The following CCDC136 variants were observed in gnomAD, a reference collection of about 807,000 sequenced individuals.
The protein encoded by CCDC136 is coiled-coil domain containing 136.
Under a neutral mutation model 141.2 loss-of-function variants are expected in CCDC136, and 100 were observed. The observed-to-expected ratio is 0.71, with a 90% CI of 0.60 to 0.84. The LOEUF (loss-of-function observed/expected upper bound fraction) is 0.84. CCDC136 is among the 40% of genes least tolerant of loss of function. The probability of loss-of-function intolerance (pLI) is 0.00; values close to 1 mark genes in which losing one functional copy is unlikely to be tolerated. For synonymous variants in CCDC136, 474 were observed against 531.9 expected, an observed-to-expected ratio of 0.89 and a Z score of 1.50; for missense variants, 1,206 against 1,379.4, an observed-to-expected ratio of 0.87 and a Z score of 1.99.
intron 11 of CCDC136, 117 bp from the exon 12 acceptor site, chr7:128,810,022 G>A (rs754469346): frequency 2.2e-4 from 147 of 677,296 alleles, no homozygotes; most frequent in Non-Finnish European, 3.2e-4. Flanking sequence ...GCTCTGTGAA[G>A]TCAACCCTGA....
intron 10 of CCDC136, among the ~76,000 whole-genome samples, chr7:128,808,217 A>G (rs1190575623): frequency 6.6e-6 from 1 of 152,084 alleles, no homozygotes; most frequent in Non-Finnish European, 1.5e-5. Flanking sequence ...TTGTATTTTT[A>G]GTTGAGACCG....
chr7:128,796,739 A>ATATATATATATATATAT, intron 3 of CCDC136, among the ~76,000 whole-genome samples: 9 of 113,368 alleles, frequency 7.9e-5, no homozygotes, highest in African/African-American at 3.2e-4. Flanking sequence ...ATATATATAT[A>ATATATATATATATATAT]TTCTTTTTTT....
In CCDC136 at chr7:128,805,659, TA is replaced by T; in HGVS notation, c.949-99del. 1 of 1,553,818 alleles carries T rather than the reference TA, an allele frequency of 6.4e-7. No individual in the cohort carries two copies. The highest frequency in any genetic ancestry group is 8.8e-7 in the Non-Finnish European group (1 of 1,139,008). ...ACTCTGGGGTCTCACTTGCCTGATGTAAATCTTCCAGTCAAAGAGCGCCATG... is the reference window on the plus strand; with the variant it reads ...ACTCTGGGGTCTCACTTGCCTGATGTAATCTTCCAGTCAAAGAGCGCCATG... On this transcript the variant is annotated intron_variant, in intron 6 of 17. Transcript: ENST00000297788. The surrounding 1 kb of genome is among the most constrained non-coding windows in gnomAD (Gnocchi z 4.6).
rs1160187516 is a variant in CCDC136, at chr7:128,812,887, A to T, written c.2721A>T (p.Glu907Asp). 1 of 1,612,420 alleles carries T rather than the reference A, an allele frequency of 6.2e-7. No individual in the cohort carries two copies. The highest frequency in any genetic ancestry group is 8.5e-7 in the Non-Finnish European group (1 of 1,179,244). Residue 907 changes from glutamate to aspartate, a missense_variant, in exon 14 of 18, where the codon GAA (glutamate) becomes GAT (aspartate). Coordinates refer to ENST00000297788, the MANE Select transcript of CCDC136 (RefSeq NM_022742.5). ...AAAGGGAGTTCAAGGAGTGCATGGA[A>T]TGCCTTGAAAAGCCCATGGCCCCCC... ...ACEREFKECM[E>D]CLEKPMAPQN...
Position 128,801,485 on chromosome 7 carries a change from C to A in CCDC136, c.646C>A (p.Leu216Ile), listed in dbSNP as rs770034038. The change falls in exon 4 of 18, where the codon CTC becomes ATC. Residue 216 changes from leucine (L) to isoleucine (I), a missense_variant. Physicochemically the swap from Leu to Ile is conservative, Grantham distance 5 (BLOSUM62 2). Coordinates refer to ENST00000297788, the MANE Select transcript of CCDC136 (RefSeq NM_022742.5). ...CTCTGAACCATCCGGTAGTTTAGGTCTCTCAGATTACTCTGGGTTACAAGG... is the reference window on the plus strand; with the variant it reads ...CTCTGAACCATCCGGTAGTTTAGGTATCTCAGATTACTCTGGGTTACAAGG... ...KSSEPSGSLG[L>I]SDYSGLQEEL... The A allele has an allele frequency of 3.1e-6, 5 of 1,605,176 alleles. No homozygotes were observed. In the East Asian group the frequency reaches 6.7e-5, roughly 22 times the overall value.
At chr7:128,814,386 G>A (rs967667139) in intron 14 of CCDC136, among the ~76,000 whole-genome samples, 1 of 152,098 alleles carries the variant, frequency 6.6e-6, no homozygotes, top group Non-Finnish European at 1.5e-5. Flanking sequence ...GAGCCGCTGC[G>A]CCCTGCCGTT....
Position 128,812,147 on chromosome 7 carries a change from C to T in CCDC136, c.2376C>T (p.Ser792=). ...SSKSFLKSYD[S]STSASEAYGK... ...AGAGCTTTCTCAAGAGCTATGACAG[C>T]AGCACCAGTGCCAGTGAGGCCTATG... The change falls in exon 13 of 18, where the codon AGC becomes AGT. Residue 792 remains serine, a synonymous_variant. Transcript: ENST00000297788. The T allele has an allele frequency of 6.2e-7, 1 of 1,614,038 alleles. No homozygotes were observed.
Position 128,792,049 on chromosome 7 carries a change from G to T in CCDC136, c.-363G>T. ...TTTCAGTCTTGGCCCTCTCCTCCCT[G>T]TCCCCCCGGACTAAATACGCACACC... On this transcript the variant is annotated 5_prime_UTR_variant, in exon 1 of 18. Transcript: ENST00000297788. The T allele has an allele frequency of 1.6e-6, 2 of 1,263,900 alleles. No individual in the cohort carries two copies. Among genetic ancestry groups the T allele is most frequent in the Admixed American group, 4.0e-5 (1 of 25,180 alleles). 78.3% of individuals were successfully genotyped at this position (1,263,900 alleles called of 1,614,324 possible). A position where few individuals can be genotyped will look rare whatever the true frequency, so the allele number is the denominator to read the frequency against.
intron 3 of CCDC136, among the ~76,000 whole-genome samples, chr7:128,797,667 G>A (rs1334925487): frequency 3.3e-5 from 5 of 152,164 alleles, no homozygotes; most frequent in South Asian, 4.1e-4. Flanking sequence ...AGAGGAAATG[G>A]GAGATGAAGG....
intron 7 of CCDC136, 148 bp from the exon 8 acceptor site, chr7:128,806,089 C>A: frequency 2.2e-6 from 2 of 924,054 alleles, no homozygotes; most frequent in Non-Finnish European, 3.2e-6. Flanking sequence ...GTGGTCATTA[C>A]TGAGTGTCCA....
chr7:128,798,449 G>A (rs376077679), intron 3 of CCDC136, among the ~76,000 whole-genome samples: 3 of 151,594 alleles, frequency 2.0e-5, no homozygotes, highest in African/African-American at 7.3e-5. Context: ...ATGGGGTTTC[G>A]CCATTTTGGC....
chr7:128,794,974 C>T lies in CCDC136; in HGVS notation c.346+206C>T, dbSNP rs1478105450. On this transcript the variant is annotated intron_variant, in intron 3 of 17. Transcript: ENST00000297788. The surrounding 1 kb of genome is among the most constrained non-coding windows in gnomAD (Gnocchi z 4.3). ...CCAGTTTTCTTTCTTTGCACATCTACCTGGCTCTTCTGTCCTCCCCTTCCA... is the reference window on the plus strand; with the variant it reads ...CCAGTTTTCTTTCTTTGCACATCTATCTGGCTCTTCTGTCCTCCCCTTCCA... 6.6e-6 allele frequency among the ~76,000 whole-genome samples: 1 copy of T among 152,214 alleles called. No individual in the cohort carries two copies. Among genetic ancestry groups the T allele is most frequent in the Admixed American group, 6.5e-5 (1 of 15,278 alleles).
rs1270774432 is a variant in CCDC136, at chr7:128,794,098, C to CAGTG, written c.17-248_17-245dup. Among the ~76,000 whole-genome samples, 1 of 152,228 alleles carries CAGTG rather than the reference C, an allele frequency of 6.6e-6. No individual in the cohort carries two copies. The highest frequency in any genetic ancestry group is 1.5e-5 in the Non-Finnish European group (1 of 68,044). On this transcript the variant is annotated intron_variant, in intron 1 of 17. Coordinates refer to ENST00000297788, the MANE Select transcript of CCDC136 (RefSeq NM_022742.5). This position sits in a 1 kb window ranked among gnomAD's most constrained non-coding sequence, Gnocchi z 4.3. ...GAGCGGGCACCAGCCTGCCCACAGG[C>CAGTG]AGTGATAGGAGGCTACCAAGTGCAA...
chr7:128,791,179 T>C (rs1235355015), upstream of CCDC136, among the ~76,000 whole-genome samples: 2 of 152,114 alleles, frequency 1.3e-5, no homozygotes, highest in Non-Finnish European at 2.9e-5. The surrounding 1 kb of genome is among the most constrained non-coding windows in gnomAD (Gnocchi z 7.1). Flanking sequence ...CTCCTCCCTC[T>C]TGGGGCAGCC....
At chr7:128,800,458 CTT>C (rs67467689) in intron 3 of CCDC136, among the ~76,000 whole-genome samples, 82 of 137,592 alleles carry the variant, frequency 6.0e-4, no homozygotes, top group Admixed American at 7.3e-4. Context: ...ACCTGGCTTT[CTT>C]TTTTTTTTTT....
chr7:128,800,478 G>A (rs767239517), intron 3 of CCDC136, among the ~76,000 whole-genome samples: 11 of 147,296 alleles, frequency 7.5e-5, no homozygotes, highest in Non-Finnish European at 1.0e-4. Flanking sequence ...TTTTTTTAGC[G>A]AAGACTGGGT....
intron 13 of CCDC136, 72 bp downstream of exon 13, chr7:128,812,384 G>C (rs1298496856): frequency 1.4e-6 from 2 of 1,479,350 alleles, no homozygotes; most frequent in Non-Finnish European, 1.8e-6. Flanking sequence ...ACATCGCCAG[G>C]GGAAGGGGCA....
Position 128,817,765 on chromosome 7 carries a change from C to T in CCDC136, c.3371C>T (p.Pro1124Leu), listed in dbSNP as rs775340806. 19 of 1,613,366 alleles carry T rather than the reference C, an allele frequency of 1.2e-5. No homozygotes were observed. Among genetic ancestry groups the T allele is most frequent in the Non-Finnish European group, 1.6e-5 (19 of 1,179,474 alleles). ...LRLSESKKSS[P>L]TPNPPIFSLP... The stretch of plus-strand genomic sequence containing the variant: ...CATTTTGGTGTGTTGCAGTCATCCC[C>T]TACCCCCAATCCCCCCATCTTCTCC... The change falls in exon 17 of 18, where the codon CCT becomes CTT. Residue 1124 changes from proline to leucine, a missense_variant. Physicochemically the swap from Pro to Leu is moderately conservative, Grantham distance 98. Transcript: ENST00000297788. The surrounding 1 kb of genome is among the most constrained non-coding windows in gnomAD (Gnocchi z 4.6).
rs761388378 is a variant in CCDC136 at position 128,792,337 on chromosome 7, C to G, written c.-75C>G. On this transcript the variant is annotated 5_prime_UTR_variant, in exon 1 of 18. Transcript: ENST00000297788. ...GCTCTCAGGACCCACAGTGACCACT[C>G]TAGGCTCCTATGAGGCTTCCGAGGG... is the stretch of plus-strand genomic sequence containing the variant. The G allele has an allele frequency of 2.0e-5, 31 of 1,584,872 alleles. 1 individual carries two copies. The South Asian group carries it at 3.2e-4, about 16-fold the overall frequency.
Sources: allele counts gnomAD v4.1 joint callset (sites outside exome capture counted in the v4.1 genomes callset), GRCh38; gene constraint gnomAD v4.1.1; non-coding constraint Gnocchi (gnomAD v3.1); transcripts MANE v1.5; gene names NCBI Gene and HGNC (gene_info 2026-07-23, HGNC 2026-07-21).